The following PARP15 variants were observed in gnomAD, a reference collection of about 807,000 sequenced individuals.
PARP15 encodes the protein poly(ADP-ribose) polymerase family member 15, also known as protein mono-ADP-ribosyltransferase PARP15.
Under a neutral mutation model 62.1 loss-of-function variants are expected in PARP15, and 50 were observed. The observed-to-expected ratio is 0.81, with a 90% CI of 0.64 to 1.02. PARP15 has a LOEUF of 1.02. Ranked by LOEUF, PARP15 falls within the 50% of genes least tolerant of loss-of-function variation. The pLI is 0.00. For missense variants in PARP15, 820 were observed against 826.5 expected, an observed-to-expected ratio of 0.99 and a Z score of 0.10; for synonymous variants, 309 against 293.1, an observed-to-expected ratio of 1.05 and a Z score of -0.55.
chr3:122,585,489 T>C (rs1477251803), intron 1 of PARP15, among the ~76,000 whole-genome samples: 1 of 152,222 alleles, frequency 6.6e-6, no homozygotes, highest in Non-Finnish European at 1.5e-5. Context: ...CAGGACTTTA[T>C]CTGATTGGAT....
At chr3:122,583,840 A>T (rs931449447) in intron 1 of PARP15, among the ~76,000 whole-genome samples, 6 of 152,166 alleles carry the variant, frequency 3.9e-5, no homozygotes, top group African/African-American at 1.4e-4. Context: ...GATCCTCTGT[A>T]GACTTCTGGA....
rs144059422 is a variant in PARP15 at position 122,579,048 on chromosome 3, G to T, written c.186+1195G>T. Among the ~76,000 whole-genome samples the T allele has an allele frequency of 2.8e-3, 423 of 152,186 alleles. 1 individual carries two copies. Among genetic ancestry groups the T allele is most frequent in the South Asian group, 0.014 (69 of 4,808 alleles). Reference sequence around the variant, plus strand: ...AATACATGACTTTTTAAACTTTTTTGTGTGTGTATGTTAAGAATAGTGTAC... The same window carrying T: ...AATACATGACTTTTTAAACTTTTTTTTGTGTGTATGTTAAGAATAGTGTAC... On this transcript the variant is annotated intron_variant, in intron 1 of 11. Coordinates refer to ENST00000464300, the MANE Select transcript of PARP15 (RefSeq NM_001113523.3).
chr3:122,605,830 C>T, intron 1 of PARP15, 106 bp from the exon 2 acceptor site: 1 of 1,167,026 alleles, frequency 8.6e-7, no homozygotes. Context: ...GATTCTCCCA[C>T]CTAGTCTTCC....
At chr3:122,600,412 C>T (rs190514366) in intron 1 of PARP15, among the ~76,000 whole-genome samples, 26 of 152,050 alleles carry the variant, frequency 1.7e-4, no homozygotes, top group African/African-American at 4.6e-4. Flanking sequence ...TTATGTTAAG[C>T]CCAAATATGT....
In PARP15 at chr3:122,587,153, G is replaced by A. The variant is rs114960295; in HGVS notation, c.186+9300G>A. ...CATTTCTTTTTAGCACTAAATGATA[G>A]TCCCTTGTTTGAATGTACTGTAGAT... On this transcript the variant is annotated intron_variant, in intron 1 of 11. Transcript: ENST00000464300. Among the ~76,000 whole-genome samples, 954 of 152,250 alleles carry A rather than the reference G, an allele frequency of 6.3e-3. 10 individuals carry two copies. The highest frequency in any genetic ancestry group is 0.022 in the African/African-American group (917 of 41,556).
In PARP15 at chr3:122,610,590, A is replaced by G; in HGVS notation, c.403A>G (p.Lys135Glu). The G allele has an allele frequency of 1.3e-6, 2 of 1,551,776 alleles. No individual in the cohort carries two copies. The highest frequency in any genetic ancestry group is 2.4e-5 in the East Asian group (1 of 40,926). The change falls in exon 3 of 12, where the codon AAA becomes GAA. Residue 135 changes from lysine (K) to glutamate (E), a missense_variant. Physicochemically the swap from Lys to Glu is moderately conservative, Grantham distance 56 (BLOSUM62 1). This residue lies in a region of PARP15 where 731 missense variants were observed against 727.7 expected (regional missense o/e 1.00). Coordinates refer to ENST00000464300, the MANE Select transcript of PARP15 (RefSeq NM_001113523.3). The stretch of plus-strand genomic sequence containing the variant: ...GCAGAAAGCTGGTCCCATGCTCCAG[A>G]AAGAGTTAGATGACAGAAGGCGGGA... ...FLQKAGPMLQKELDDRRRETE... is the reference protein window; with the variant it reads ...FLQKAGPMLQEELDDRRRETE...
Position 122,577,841 on chromosome 3 carries a change from C to T in PARP15, c.174C>T (p.Ser58=). Residue 58 remains serine, a synonymous_variant, in exon 1 of 12, where the codon TCC becomes TCT. Coordinates refer to ENST00000464300, the MANE Select transcript of PARP15 (RefSeq NM_001113523.3). ...RGARKASRRS[S]SRSMSRDNKF... Reference sequence around the variant, plus strand: ...CGCGGAAGGCCTCCCGGCGCTCTTCCTCCCGGAGTATGGTGAGGAGCGCGG... The same window carrying T: ...CGCGGAAGGCCTCCCGGCGCTCTTCTTCCCGGAGTATGGTGAGGAGCGCGG... 1.3e-6 allele frequency: 2 copies of T among 1,549,298 alleles called. No homozygotes were observed. The highest frequency in any genetic ancestry group is 2.4e-5 in the East Asian group (1 of 40,884).
intron 6 of PARP15, among the ~76,000 whole-genome samples, chr3:122,618,737 G>A (rs1432205066): frequency 6.6e-6 from 1 of 152,170 alleles, no homozygotes; most frequent in Admixed American, 6.5e-5. Flanking sequence ...GAGCTAGGCT[G>A]AAAACTGTTT....
At chr3:122,589,621 T>C (rs1933711036) in intron 1 of PARP15, among the ~76,000 whole-genome samples, 1 of 152,210 alleles carries the variant, frequency 6.6e-6, no homozygotes, top group South Asian at 2.1e-4. Flanking sequence ...ACTTTCTTAA[T>C]GGCTAACGAT....
At chr3:122,620,249 G>C (rs1388649588) in intron 7 of PARP15, among the ~76,000 whole-genome samples, 1 of 152,194 alleles carries the variant, frequency 6.6e-6, no homozygotes, top group East Asian at 1.9e-4. Context: ...AATGTGAAAA[G>C]TTCTGTAAAC....
At chr3:122,608,641 A>T (rs1376259905) in intron 2 of PARP15, among the ~76,000 whole-genome samples, 2 of 152,136 alleles carry the variant, frequency 1.3e-5, no homozygotes, top group African/African-American at 4.8e-5. Context: ...CCCTTTAAAA[A>T]GCCTTCACTC....
intron 1 of PARP15, among the ~76,000 whole-genome samples, chr3:122,603,841 A>G (rs1387380363): frequency 6.6e-6 from 1 of 152,184 alleles, no homozygotes; most frequent in East Asian, 1.9e-4. Flanking sequence ...CATAGACTGA[A>G]AAATAATCAA....
At chr3:122,614,836 C>T (rs1317310987) in intron 4 of PARP15, among the ~76,000 whole-genome samples, 1 of 152,004 alleles carries the variant, frequency 6.6e-6, no homozygotes, top group African/African-American at 2.4e-5. Flanking sequence ...CAAAACCAGC[C>T]TGTGCCACAT....
At chr3:122,600,399 G>A (rs150874232) in intron 1 of PARP15, among the ~76,000 whole-genome samples, 50 of 152,048 alleles carry the variant, frequency 3.3e-4, no homozygotes, top group African/African-American at 1.2e-3. Flanking sequence ...TTAAAACGTA[G>A]CTTTATGTTA....
intron 1 of PARP15, among the ~76,000 whole-genome samples, chr3:122,588,392 G>A (rs1933619707): frequency 6.8e-6 from 1 of 147,446 alleles, no homozygotes; most frequent in African/African-American, 2.5e-5. Context: ...CTTGTTTTTT[G>A]GTACCAGCTT....
intron 10 of PARP15, among the ~76,000 whole-genome samples, chr3:122,633,669 A>G (rs1401554716): frequency 2.0e-5 from 3 of 152,104 alleles, no homozygotes; most frequent in African/African-American, 7.2e-5. Flanking sequence ...TGTAGATTAT[A>G]TATTAATACA....
At chr3:122,618,835 G>A (rs1197513165) in intron 6 of PARP15, among the ~76,000 whole-genome samples, 1 of 152,112 alleles carries the variant, frequency 6.6e-6, no homozygotes, top group African/African-American at 2.4e-5. Flanking sequence ...CTGCCTGCTC[G>A]CCTTACACTG....
chr3:122,607,123 C>A (rs1347090930), intron 2 of PARP15, among the ~76,000 whole-genome samples: 1 of 152,180 alleles, frequency 6.6e-6, no homozygotes, highest in Admixed American at 6.5e-5. Flanking sequence ...TAATCAAACT[C>A]AAGAGACTTA....
intron 10 of PARP15, among the ~76,000 whole-genome samples, chr3:122,633,755 A>G (rs984951087): frequency 6.6e-6 from 1 of 152,288 alleles, no homozygotes; most frequent in South Asian, 2.1e-4. Context: ...CCTGGAACCA[A>G]TCCTCCATGG....
Sources: allele counts gnomAD v4.1 joint callset (sites outside exome capture counted in the v4.1 genomes callset), GRCh38; gene constraint gnomAD v4.1.1; regional missense constraint gnomAD v4.1.1; transcripts MANE v1.5; gene names NCBI Gene and HGNC (gene_info 2026-07-23, HGNC 2026-07-21).